The following IQCH variants were observed in gnomAD, a reference collection of about 807,000 sequenced individuals.
IQCH encodes IQ domain-containing protein H.
Under a neutral mutation model 117.0 loss-of-function variants are expected in IQCH, and 98 were observed. The ratio of observed to expected loss-of-function variants is 0.84; its 90% CI spans 0.71 to 0.99. The LOEUF is 0.99. IQCH is among the 50% of genes least tolerant of loss of function. IQCH has a pLI of 0.00. For synonymous variants in IQCH, 412 were observed against 448.2 expected, an observed-to-expected ratio of 0.92 and a Z score of 1.02; for missense variants, 1,102 against 1,243.8, an observed-to-expected ratio of 0.89 and a Z score of 1.72.
intron 18 of IQCH, among the ~76,000 whole-genome samples, chr15:67,485,054 C>T (rs1003694920): frequency 6.6e-6 from 1 of 152,050 alleles, no homozygotes; most frequent in African/African-American, 2.4e-5. Context: ...TCTATGAAAG[C>T]TAGAAGACAA....
chr15:67,329,976 T>C (rs1311357174), intron 4 of IQCH, among the ~76,000 whole-genome samples: 2 of 152,164 alleles, frequency 1.3e-5, no homozygotes, highest in African/African-American at 4.8e-5. Flanking sequence ...GCATAGAAGT[T>C]TGTGGCTCGT....
At position 67,403,095 on chromosome 15, in the gene IQCH, A is replaced by G. The variant is rs1296565658; in HGVS notation, c.2097+2790A>G. ...AAACCTCGTCTCTACTAAAAATACA[A>G]AAAAATTAGTCGGGGCTGGTGGTGC... is the stretch of plus-strand genomic sequence containing the variant. On this transcript the variant is annotated intron_variant, in intron 14 of 20. Coordinates refer to ENST00000335894, the MANE Select transcript of IQCH (RefSeq NM_001031715.3). The surrounding 1 kb of genome is among the most constrained non-coding windows in gnomAD (Gnocchi z 4.8). Among the ~76,000 whole-genome samples the G allele has an allele frequency of 6.6e-6, 1 of 152,086 alleles. No homozygotes were observed. The highest frequency in any genetic ancestry group is 1.5e-5 in the Non-Finnish European group (1 of 68,012).
intron 4 of IQCH, among the ~76,000 whole-genome samples, chr15:67,327,676 T>C (rs1432557005): frequency 6.6e-6 from 1 of 152,232 alleles, no homozygotes; most frequent in African/African-American, 2.4e-5. Flanking sequence ...TTAATTTGGC[T>C]AGATTCAAAC....
At chr15:67,434,891 C>T (rs571040910) in intron 16 of IQCH, among the ~76,000 whole-genome samples, 1 of 151,378 alleles carries the variant, frequency 6.6e-6, no homozygotes, top group South Asian at 2.1e-4. Flanking sequence ...ATTCTCCTGC[C>T]TCACCTACTG....
intron 8 of IQCH, among the ~76,000 whole-genome samples, chr15:67,371,896 AT>A (rs1253803824): frequency 1.3e-5 from 2 of 152,286 alleles, no homozygotes; most frequent in Admixed American, 1.3e-4. Context: ...ATGTTAATAG[AT>A]TTGAGTGATC....
rs576086738 is a variant in IQCH, at chr15:67,458,894, C to T, written c.2506-6233C>T. Among the ~76,000 whole-genome samples the T allele has an allele frequency of 3.9e-5, 6 of 152,294 alleles. No individual in the cohort carries two copies. The South Asian group carries it at 6.2e-4, about 16-fold the overall frequency. On this transcript the variant is annotated intron_variant, in intron 16 of 20. Coordinates refer to ENST00000335894, the MANE Select transcript of IQCH (RefSeq NM_001031715.3). This position sits in a 1 kb window ranked among gnomAD's most constrained non-coding sequence, Gnocchi z 4.1. The stretch of plus-strand genomic sequence containing the variant: ...CCTGAAGGCTGGATGCCATTTCTGG[C>T]GTGGGTGAATTCTCAGTACTGCATG...
intron 4 of IQCH, among the ~76,000 whole-genome samples, chr15:67,302,885 ACC>A (rs1967117691): frequency 6.6e-6 from 1 of 152,130 alleles, no homozygotes; most frequent in Non-Finnish European, 1.5e-5. Context: ...ACAACAAAAA[ACC>A]ATGCTATTAA....
At chr15:67,437,702 ACAAT>A (rs2082172313) in intron 16 of IQCH, among the ~76,000 whole-genome samples, 1 of 152,218 alleles carries the variant, frequency 6.6e-6, no homozygotes, top group South Asian at 2.1e-4. Context: ...TAAAGAAAAA[ACAAT>A]CAAGAATACA....
At chr15:67,255,182 A>G (rs1163614541) in intron 1 of IQCH, 32 of 580,302 alleles carry the variant, frequency 5.5e-5, no homozygotes, top group Non-Finnish European at 8.7e-5. Flanking sequence ...CTCTGGGAAA[A>G]CTCTAAAACC....
Position 67,430,661 on chromosome 15 carries a change from T to C in IQCH, c.2505+9084T>C, listed in dbSNP as rs2082000214. 6.6e-6 allele frequency among the ~76,000 whole-genome samples: 1 copy of C among 152,204 alleles called. No individual in the cohort carries two copies. Among genetic ancestry groups the C allele is most frequent in the African/African-American group, 2.4e-5 (1 of 41,460 alleles). ...TTATTATTTGTTGATTTATGGACTT[T>C]TGGAACTTCTAGATGATCCAGATCT... On this transcript the variant is annotated intron_variant, in intron 16 of 20. Transcript: ENST00000335894. This position sits in a 1 kb window ranked among gnomAD's most constrained non-coding sequence, Gnocchi z 5.1.
In IQCH at chr15:67,370,236, G is replaced by A. The variant is rs2140781814; in HGVS notation, c.754-1875G>A. Among the ~76,000 whole-genome samples, 1 of 152,302 alleles carries A rather than the reference G, an allele frequency of 6.6e-6. No individual in the cohort carries two copies. The highest frequency in any genetic ancestry group is 2.1e-4 in the South Asian group (1 of 4,818). The stretch of plus-strand genomic sequence containing the variant: ...CTAATTCCACATGTCTCGCTGTGAA[G>A]ATAAGAAGTTTCAGAATATTGCCAA... On this transcript the variant is annotated intron_variant, in intron 8 of 20. Transcript: ENST00000335894. This position sits in a 1 kb window ranked among gnomAD's most constrained non-coding sequence, Gnocchi z 5.6.
At chr15:67,363,349 C>T (rs1970217312) in intron 8 of IQCH, among the ~76,000 whole-genome samples, 1 of 151,266 alleles carries the variant, frequency 6.6e-6, no homozygotes, top group Admixed American at 6.6e-5. Flanking sequence ...GATTCTCCTG[C>T]CTCAGCCTCC....
chr15:67,274,495 G>A (rs1966040151), intron 3 of IQCH, among the ~76,000 whole-genome samples: 1 of 151,938 alleles, frequency 6.6e-6, no homozygotes, highest in Non-Finnish European at 1.5e-5. Context: ...CAACATTTCT[G>A]TTTGGTTTTA....
In IQCH at chr15:67,390,978, G is replaced by A. The variant is rs1971267783; in HGVS notation, c.1632+1972G>A. Among the ~76,000 whole-genome samples, 1 of 152,190 alleles carries A rather than the reference G, an allele frequency of 6.6e-6. No homozygotes were observed. The highest frequency in any genetic ancestry group is 1.9e-4 in the East Asian group (1 of 5,190). The stretch of plus-strand genomic sequence containing the variant: ...AGTTGGAATGACTGCCTTGCTCCTG[G>A]ATGACCTGTGGCCTTGGGCAAGCCC... On this transcript the variant is annotated intron_variant, in intron 12 of 20. Transcript: ENST00000335894. The surrounding 1 kb of genome is among the most constrained non-coding windows in gnomAD (Gnocchi z 5.0).
At chr15:67,307,930 C>T (rs1157303386) in intron 4 of IQCH, among the ~76,000 whole-genome samples, 1 of 152,148 alleles carries the variant, frequency 6.6e-6, no homozygotes, top group Non-Finnish European at 1.5e-5. Flanking sequence ...TTCTTGTCAT[C>T]TGGAATCAGA....
At chr15:67,399,023 C>T (rs948391878) in intron 13 of IQCH, among the ~76,000 whole-genome samples, 23 of 152,174 alleles carry the variant, frequency 1.5e-4, no homozygotes, top group African/African-American at 5.6e-4. Flanking sequence ...GATTCAAACT[C>T]ACCCCAAATG....
chr15:67,421,121 A>T, intron 15 of IQCH, 170 bp from the exon 16 acceptor site: 1 of 614,990 alleles, frequency 1.6e-6, no homozygotes, highest in Non-Finnish European at 2.9e-6. Flanking sequence ...GATGCACAAC[A>T]ATCTAATGAG....
chr15:67,490,811 C>T lies in IQCH; in HGVS notation c.2861+747C>T, dbSNP rs2083632024. 6.6e-6 allele frequency among the ~76,000 whole-genome samples: 1 copy of T among 152,216 alleles called. No homozygotes were observed. The highest frequency in any genetic ancestry group is 1.5e-5 in the Non-Finnish European group (1 of 68,054). The stretch of plus-strand genomic sequence containing the variant: ...AGTTTCAACCCGGGCGCAGTCTTCT[C>T]AAGGTACGCATGCACTGAGCACAGG... On this transcript the variant is annotated intron_variant, in intron 19 of 20. Coordinates refer to ENST00000335894, the MANE Select transcript of IQCH (RefSeq NM_001031715.3). The surrounding 1 kb of genome is among the most constrained non-coding windows in gnomAD (Gnocchi z 4.9).
intron 4 of IQCH, among the ~76,000 whole-genome samples, chr15:67,321,505 TTC>T (rs1968127741): frequency 1.3e-5 from 2 of 150,890 alleles, no homozygotes; most frequent in Admixed American, 6.6e-5. Flanking sequence ...TCTTTTTTCT[TTC>T]TTTCTTTTTC....
Sources: gnomAD v4.1 joint callset for allele counts (sites outside exome capture counted in the v4.1 genomes callset) on GRCh38, gnomAD v4.1.1 for gene constraint, Gnocchi (gnomAD v3.1) non-coding constraint, MANE v1.5 for transcripts, NCBI Gene and HGNC (gene_info 2026-07-23, HGNC 2026-07-21) for gene names.